CSMD1: variants seen among roughly 807,000 people sequenced by gnomAD.
CSMD1 encodes the protein CUB and sushi domain-containing protein 1.
CSMD1 carries 213 observed loss-of-function variants against 417.5 expected under a neutral mutation model. The ratio of observed to expected loss-of-function variants is 0.51; its 90% confidence interval spans 0.46 to 0.57. The LOEUF is 0.57. CSMD1 is among the 20% of genes least tolerant of loss of function. The pLI is 0.00. For synonymous variants in CSMD1, 2,862 were observed against 1,736.8 expected (o/e 1.65, Z -16.11); for missense variants, 6,923 against 4,529.7 (o/e 1.53, Z -15.17).
chr8:3,980,585 C>T (rs916725524), intron 5 of CSMD1, among the ~76,000 whole-genome samples: 1 of 152,118 alleles, frequency 6.6e-6, no homozygotes, highest in African/African-American at 2.4e-5. Flanking sequence ...ATAGTTTCCC[C>T]CCTTGTTAAT....
intron 8 of CSMD1, among the ~76,000 whole-genome samples, chr8:3,608,548 G>C (rs1364496466): frequency 6.6e-6 from 1 of 152,114 alleles, no homozygotes; most frequent in Admixed American, 6.6e-5. Context: ...TGGATCACGA[G>C]GTCAGGAGTT....
At chr8:3,460,979 C>G (rs2117151888) in intron 12 of CSMD1, among the ~76,000 whole-genome samples, 1 of 152,228 alleles carries the variant, frequency 6.6e-6, no homozygotes, top group South Asian at 2.1e-4. Flanking sequence ...TAAGTTTGTT[C>G]TTTAGCATAT....
At chr8:4,468,876 G>A (rs1041623871) in intron 2 of CSMD1, among the ~76,000 whole-genome samples, 9 of 152,130 alleles carry the variant, frequency 5.9e-5, no homozygotes, top group African/African-American at 1.7e-4. Context: ...CTTGAACACT[G>A]CAAGGAATTT....
intron 5 of CSMD1, among the ~76,000 whole-genome samples, chr8:3,955,474 C>G (rs1235621322): frequency 6.6e-6 from 1 of 152,186 alleles, no homozygotes; most frequent in African/African-American, 2.4e-5. Flanking sequence ...GAATTTTGTA[C>G]TGATATGTCA....
At chr8:3,232,871 T>C (rs1289883860) in intron 26 of CSMD1, among the ~76,000 whole-genome samples, 1 of 152,148 alleles carries the variant, frequency 6.6e-6, no homozygotes, top group Non-Finnish European at 1.5e-5. Flanking sequence ...GTTGTAATAG[T>C]CTTACCTTCT....
chr8:4,172,564 A>G (rs1052302403), intron 3 of CSMD1, among the ~76,000 whole-genome samples: 1 of 152,184 alleles, frequency 6.6e-6, no homozygotes, highest in Non-Finnish European at 1.5e-5. Context: ...GAGGCTCCAC[A>G]AATCCAGAAC....
At chr8:3,577,167 G>A (rs988418183) in intron 9 of CSMD1, among the ~76,000 whole-genome samples, 1 of 152,186 alleles carries the variant, frequency 6.6e-6, no homozygotes, top group African/African-American at 2.4e-5. Flanking sequence ...TGTCCTAGGT[G>A]CCTGCTGTGA....
chr8:4,558,605 A>C (rs1187990909), intron 2 of CSMD1, among the ~76,000 whole-genome samples: 1 of 152,090 alleles, frequency 6.6e-6, no homozygotes, highest in Non-Finnish European at 1.5e-5. Flanking sequence ...CATGGCTCAC[A>C]CCTGTAATCC....
intron 18 of CSMD1, among the ~76,000 whole-genome samples, chr8:3,371,377 A>G (rs1809935775): frequency 6.6e-6 from 1 of 152,192 alleles, no homozygotes; most frequent in African/African-American, 2.4e-5. Flanking sequence ...TTGCTGAAGA[A>G]TGAAATAAGT....
At chr8:3,968,781 G>C (rs993995887) in intron 5 of CSMD1, among the ~76,000 whole-genome samples, 5 of 152,130 alleles carry the variant, frequency 3.3e-5, no homozygotes, top group African/African-American at 1.2e-4. Flanking sequence ...GTGGGGATTT[G>C]TAATTACAAT....
chr8:4,846,317 G>T (rs1195914032), intron 1 of CSMD1, among the ~76,000 whole-genome samples: 1 of 152,196 alleles, frequency 6.6e-6, no homozygotes, highest in African/African-American at 2.4e-5. Context: ...CTATCTAACA[G>T]CCTGTAAGGA....
intron 10 of CSMD1, among the ~76,000 whole-genome samples, chr8:3,528,951 C>G (rs1364008251): frequency 6.6e-6 from 1 of 152,060 alleles, no homozygotes; most frequent in South Asian, 2.1e-4. Flanking sequence ...TAATTACATG[C>G]CAGTGAAAAG....
intron 3 of CSMD1, among the ~76,000 whole-genome samples, chr8:4,090,366 TA>T (rs1800652795): frequency 6.6e-6 from 1 of 152,190 alleles, no homozygotes; most frequent in Non-Finnish European, 1.5e-5. Context: ...AAAAATAAAT[TA>T]CAAAGTGTCA....
intron 5 of CSMD1, among the ~76,000 whole-genome samples, chr8:3,976,643 A>G (rs895803339): frequency 3.9e-5 from 6 of 152,210 alleles, no homozygotes; most frequent in Non-Finnish European, 8.8e-5. Flanking sequence ...GACCACCCTG[A>G]TCAATGTGAC....
intron 1 of CSMD1, among the ~76,000 whole-genome samples, chr8:4,838,203 A>C (rs577490651): frequency 4.1e-4 from 62 of 152,320 alleles, no homozygotes; most frequent in Non-Finnish European, 7.8e-4. Flanking sequence ...CCCGCTCTTC[A>C]ATCCTTTGAG....
chr8:3,417,833 T>A (rs1382890848), intron 12 of CSMD1, among the ~76,000 whole-genome samples: 1 of 152,186 alleles, frequency 6.6e-6, no homozygotes, highest in Non-Finnish European at 1.5e-5. Flanking sequence ...AGACCCTGTT[T>A]TTTGGAGACA....
intron 1 of CSMD1, among the ~76,000 whole-genome samples, chr8:4,708,472 A>G (rs1321248052): frequency 6.6e-6 from 1 of 152,222 alleles, no homozygotes; most frequent in East Asian, 1.9e-4. Flanking sequence ...TGAAAAAGTA[A>G]TGGTTACCAT....
intron 23 of CSMD1, among the ~76,000 whole-genome samples, chr8:3,336,626 C>T (rs1229374606): frequency 6.6e-6 from 1 of 152,200 alleles, no homozygotes; most frequent in Non-Finnish European, 1.5e-5. Flanking sequence ...GAGCAAGGGG[C>T]ACACTGAGAG....
chr8:3,662,141 GAT>G (rs1563246517), intron 7 of CSMD1, among the ~76,000 whole-genome samples: 1 of 152,124 alleles, frequency 6.6e-6, no homozygotes, highest in African/African-American at 2.4e-5. Context: ...CTTCACAAAA[GAT>G]TTAGGCTATA....
Sources: gnomAD v4.1 joint callset for allele counts (sites outside exome capture counted in the v4.1 genomes callset) on GRCh38, gnomAD v4.1.1 for gene constraint, MANE v1.5 for transcripts, NCBI Gene and HGNC (gene_info 2026-07-23, HGNC 2026-07-21) for gene names.